The following TXNRD1 variants were observed in gnomAD, a reference collection of about 807,000 sequenced individuals.
The protein encoded by TXNRD1 is thioredoxin reductase 1.
Under a neutral mutation model 80.3 loss-of-function variants are expected in TXNRD1, and 57 were observed. That is an observed-to-expected ratio of 0.71 (90% CI 0.57 to 0.89). The LOEUF is 0.89. TXNRD1 is among the 40% of genes least tolerant of loss of function. The pLI is 0.00. For missense variants in TXNRD1, 730 were observed against 803.0 expected, an observed-to-expected ratio of 0.91 and a Z score of 1.10; for synonymous variants, 291 against 285.2, an observed-to-expected ratio of 1.02 and a Z score of -0.20.
intron 2 of TXNRD1, among the ~76,000 whole-genome samples, chr12:104,253,805 G>A (rs1047661769): frequency 2.0e-5 from 3 of 152,020 alleles, no homozygotes; most frequent in African/African-American, 7.3e-5. Context: ...TGATTCTCCT[G>A]CCTCAGCCTC....
intron 4 of TXNRD1, 78 bp from the exon 5 acceptor site, chr12:104,311,212 A>C (rs2035119579): frequency 6.9e-7 from 1 of 1,450,840 alleles, no homozygotes; most frequent in East Asian, 2.5e-5. Context: ...TTTCTTTAAG[A>C]AAAGATTTTC....
At position 104,310,503 on chromosome 12, in the gene TXNRD1, T is replaced by C. The variant is rs368460128; in HGVS notation, c.415-787T>C. Among the ~76,000 whole-genome samples, 57 of 152,340 alleles carry C rather than the reference T, an allele frequency of 3.7e-4. No homozygotes were observed. The East Asian group carries it at 7.3e-3, about 20-fold the overall frequency. On this transcript the variant is annotated intron_variant, in intron 4 of 16. Coordinates refer to ENST00000525566, the MANE Select transcript of TXNRD1 (RefSeq NM_001093771.3). ...GCTTGTTAACAACTTTCTCAGTCAT[T>C]ATCTCTTGTTAACATAGATTTTTAT...
chr12:104,271,183 CT>C (rs1165430972), intron 3 of TXNRD1, among the ~76,000 whole-genome samples: 18,750 of 126,914 alleles, frequency 0.15, 1,126 homozygotes, highest in Middle Eastern at 0.25. Flanking sequence ...TTAGTTCTTT[CT>C]TTTTTTTTTT....
chr12:104,321,394 A>C, intron 10 of TXNRD1, 78 bp downstream of exon 10: 1 of 1,162,376 alleles, frequency 8.6e-7, no homozygotes, highest in Non-Finnish European at 1.3e-6. Context: ...TGGTGGTAGA[A>C]GCATCCTTTC....
chr12:104,326,913 GC>G (rs1158828557), intron 12 of TXNRD1, among the ~76,000 whole-genome samples: 2 of 152,074 alleles, frequency 1.3e-5, no homozygotes, highest in African/African-American at 4.8e-5. Context: ...TCATGTCACT[GC>G]CACCTCTGCT....
intron 16 of TXNRD1, among the ~76,000 whole-genome samples, chr12:104,341,209 A>G (rs151193529): frequency 1.3e-5 from 2 of 152,340 alleles, no homozygotes; most frequent in African/African-American, 4.8e-5. Flanking sequence ...GAGGCTGTGC[A>G]TCTCCATCTG....
chr12:104,267,855 CTT>C (rs1360261333), intron 3 of TXNRD1, among the ~76,000 whole-genome samples: 2 of 127,074 alleles, frequency 1.6e-5, no homozygotes, highest in Admixed American at 8.5e-5. Flanking sequence ...TCCTCTCTCT[CTT>C]TTTTTTTTTG....
At chr12:104,218,975 ACT>A (rs1253169120) in intron 1 of TXNRD1, among the ~76,000 whole-genome samples, 6 of 151,642 alleles carry the variant, frequency 4.0e-5, no homozygotes, top group Non-Finnish European at 8.8e-5. Context: ...GATGGGTCTC[ACT>A]CTGTTGCCTA....
intron 2 of TXNRD1, among the ~76,000 whole-genome samples, chr12:104,254,087 C>A (rs1283111599): frequency 6.6e-6 from 1 of 152,030 alleles, no homozygotes; most frequent in African/African-American, 2.4e-5. Context: ...GAGTGTGGAT[C>A]TTGGCTCTGT....
chr12:104,274,672 C>T (rs1164165367), intron 3 of TXNRD1, among the ~76,000 whole-genome samples: 1 of 150,796 alleles, frequency 6.6e-6, no homozygotes, highest in African/African-American at 2.4e-5. Context: ...GCACTCCAGC[C>T]TGGGTAACAG....
chr12:104,285,324 TCTTA>T (rs1439859318), intron 3 of TXNRD1, among the ~76,000 whole-genome samples: 1 of 152,200 alleles, frequency 6.6e-6, no homozygotes, highest in Non-Finnish European at 1.5e-5. Context: ...GCATCTGGGC[TCTTA>T]ACAGCAGCAA....
Position 104,287,385 on chromosome 12 carries a change from C to T in TXNRD1, c.305-1546C>T, listed in dbSNP as rs1393558482. Reference sequence around the variant, plus strand: ...GCGCCTGTAGGCTGGCGGTTTCCTTCCTCTTGGTCTTTGTAGAGACAGTTT... The same window carrying T: ...GCGCCTGTAGGCTGGCGGTTTCCTTTCTCTTGGTCTTTGTAGAGACAGTTT... On this transcript the variant is annotated intron_variant, in intron 3 of 16. Coordinates refer to ENST00000525566, the MANE Select transcript of TXNRD1 (RefSeq NM_001093771.3). 3.1e-6 allele frequency: 5 copies of T among 1,613,998 alleles called. No individual in the cohort carries two copies. The South Asian group carries it at 5.5e-5, about 18-fold the overall frequency.
At chr12:104,233,077 T>C (rs946355296) in intron 1 of TXNRD1, among the ~76,000 whole-genome samples, 3 of 152,234 alleles carry the variant, frequency 2.0e-5, no homozygotes, top group Non-Finnish European at 4.4e-5. Flanking sequence ...AGATGTATGC[T>C]GTAAGCTGGG....
At chr12:104,251,482 G>T in intron 1 of TXNRD1, 45 bp from the exon 2 acceptor site, 1 of 1,588,356 alleles carries the variant, frequency 6.3e-7, no homozygotes. Context: ...GCATCATCAT[G>T]TTTTCCTTTG....
At chr12:104,282,361 G>A (rs1346472376) in intron 3 of TXNRD1, among the ~76,000 whole-genome samples, 1 of 152,216 alleles carries the variant, frequency 6.6e-6, no homozygotes. Context: ...GCAATGTTTT[G>A]TACCCTGAGT....
chr12:104,269,509 C>G (rs1186191064), intron 3 of TXNRD1, among the ~76,000 whole-genome samples: 2 of 151,268 alleles, frequency 1.3e-5, no homozygotes, highest in Non-Finnish European at 2.9e-5. Flanking sequence ...AAGTGATCCT[C>G]CTGCCTCAGC....
chr12:104,265,218 C>T, intron 3 of TXNRD1: 1 of 1,218,600 alleles, frequency 8.2e-7, no homozygotes, highest in Non-Finnish European at 1.2e-6. Flanking sequence ...CACCACTGCA[C>T]TCCAGCCTGG....
intron 4 of TXNRD1, chr12:104,304,496 C>T (rs760610427): frequency 2.5e-6 from 4 of 1,613,986 alleles, no homozygotes; most frequent in South Asian, 2.2e-5. Flanking sequence ...CCGACTTGAA[C>T]ACCAGAAAAA....
Position 104,342,491 on chromosome 12 carries a change from C to T in TXNRD1, c.1881+3218C>T, listed in dbSNP as rs189652497. 5.9e-5 allele frequency among the ~76,000 whole-genome samples: 9 copies of T among 152,204 alleles called. No homozygotes were observed. In the East Asian group the frequency reaches 1.7e-3, roughly 29 times the overall value. On this transcript the variant is annotated intron_variant, in intron 16 of 16. Coordinates refer to ENST00000525566, the MANE Select transcript of TXNRD1 (RefSeq NM_001093771.3). ...CGTAGGATGTTGGGGCAGGATGATT[C>T]TGGAGGGAGTTCTTACCTAAGACTA...
Sources: gnomAD v4.1 joint callset for allele counts (sites outside exome capture counted in the v4.1 genomes callset) on GRCh38, gnomAD v4.1.1 for gene constraint, MANE v1.5 for transcripts, NCBI Gene and HGNC (gene_info 2026-07-23, HGNC 2026-07-21) for gene names.